Variants in MSI2 observed in about 807,000 individuals in gnomAD.
MSI2 encodes RNA-binding protein Musashi homolog 2.
A neutral mutation model predicts 45.6 loss-of-function variants in MSI2; 17 were observed. The observed-to-expected ratio is 0.37, with a 90% CI of 0.26 to 0.56. The LOEUF (loss-of-function observed/expected upper bound fraction) is 0.56, where lower values mean the gene tolerates loss of function less well. Ranked by LOEUF, MSI2 falls within the 20% of genes least tolerant of loss-of-function variation. The pLI, the probability that MSI2 is intolerant of heterozygous loss-of-function variation, is 0.77. For missense variants in MSI2, 293 were observed against 444.2 expected (o/e 0.66, Z 3.06); for synonymous variants, 156 against 158.2 (o/e 0.99, Z 0.11).
intron 5 of MSI2, chr17:57,268,283 A>T (rs1908001901): frequency 6.6e-6 from 1 of 152,218 alleles, no homozygotes; most frequent in African/African-American, 2.4e-5. Context: ...TAGTGGGGCA[A>T]ATAAGCAGTG....
At chr17:57,342,780 G>A (rs1288481110) in intron 5 of MSI2, among the ~76,000 whole-genome samples, 1 of 152,084 alleles carries the variant, frequency 6.6e-6, no homozygotes, top group East Asian at 1.9e-4. Context: ...CATGAACTTC[G>A]AATGATAGAA....
intron 7 of MSI2, among the ~76,000 whole-genome samples, chr17:57,550,378 C>T (rs2087276377): frequency 2.0e-5 from 3 of 152,102 alleles, no homozygotes; most frequent in African/African-American, 4.8e-5. Context: ...CCTTTGTTAA[C>T]AAAAGTGCTT....
chr17:57,490,215 G>A (rs2332933), intron 6 of MSI2, among the ~76,000 whole-genome samples: 59,302 of 152,058 alleles, frequency 0.39, 12,112 homozygotes, highest in African/African-American at 0.51. Context: ...CTGCCACTCA[G>A]TAGATGCTAG....
intron 7 of MSI2, among the ~76,000 whole-genome samples, chr17:57,563,955 T>A (rs1490284933): frequency 1.3e-5 from 2 of 152,204 alleles, no homozygotes; most frequent in Non-Finnish European, 2.9e-5. Flanking sequence ...ACAGCCCACC[T>A]GAGCCAGAAT....
At chr17:57,699,512 A>C in the MSI2 span, among the ~76,000 whole-genome samples, 1 of 151,510 alleles carries the variant, frequency 6.6e-6, no homozygotes, top group African/African-American at 2.4e-5. Context: ...AGATACTTCC[A>C]CGTGCTAAGC....
In MSI2 at chr17:57,483,559, A is replaced by G. The variant is rs551759455; in HGVS notation, c.406-46117A>G. On this transcript the variant is annotated intron_variant, in intron 6 of 13. Coordinates refer to ENST00000284073, the MANE Select transcript of MSI2 (RefSeq NM_138962.4). ...CAGGTACTGCGGAGGTAGCAACTGC[A>G]GGAAGCCACCACCCTTACCCTACCT... is the stretch of plus-strand genomic sequence containing the variant. 1.4e-4 allele frequency among the ~76,000 whole-genome samples: 22 copies of G among 152,300 alleles called. No homozygotes were observed. The South Asian group carries it at 1.7e-3, about 11-fold the overall frequency.
chr17:57,507,757 T>G (rs963041999), intron 6 of MSI2, among the ~76,000 whole-genome samples: 7 of 152,056 alleles, frequency 4.6e-5, no homozygotes, highest in African/African-American at 1.7e-4. Context: ...GATGACCATA[T>G]GACGTCCACT....
In MSI2 at chr17:57,616,028, G is replaced by A. The variant is rs374064960; in HGVS notation, c.596G>A (p.Arg199Gln). The A allele has an allele frequency of 4.3e-6, 7 of 1,614,168 alleles. No homozygotes were observed. Among genetic ancestry groups the A allele is most frequent in the Non-Finnish European group, 5.9e-6 (7 of 1,180,032 alleles). Reference sequence around the variant, plus strand: ...ATGTTCCCACCTGGGACAAGAGGCCGGGCCCGGGGACTGCCTTACACCATG... The same window carrying A: ...ATGTTCCCACCTGGGACAAGAGGCCAGGCCCGGGGACTGCCTTACACCATG... ...EVMFPPGTRG[R>Q]ARGLPYTMDA... Residue 199 changes from arginine (R) to glutamine (Q), a missense_variant, in exon 9 of 14, where the codon CGG becomes CAG. Arg to Gln is a conservative substitution (Grantham distance 43, BLOSUM62 1). Transcript: ENST00000284073.
At position 57,529,244 on chromosome 17, in the gene MSI2, T is replaced by A. The variant is rs1415034145; in HGVS notation, c.406-432T>A. Among the ~76,000 whole-genome samples, 4 of 152,138 alleles carry A rather than the reference T, an allele frequency of 2.6e-5. No homozygotes were observed. Among genetic ancestry groups the A allele is most frequent in the Non-Finnish European group, 5.9e-5 (4 of 68,044 alleles). On this transcript the variant is annotated intron_variant, in intron 6 of 13. Transcript: ENST00000284073. This position sits in a 1 kb window ranked among gnomAD's most constrained non-coding sequence, Gnocchi z 5.3. ...TGAGCCCAGGAGTTCAAGACCAGTC[T>A]GAGCAACATAGTGGGACCCTGTCTC... is the stretch of plus-strand genomic sequence containing the variant.
chr17:57,664,264 A>T (rs1458498698), intron 11 of MSI2, among the ~76,000 whole-genome samples: 1 of 152,230 alleles, frequency 6.6e-6, no homozygotes, highest in East Asian at 1.9e-4. Flanking sequence ...CACGCCTGTA[A>T]TCCCAGCACT....
chr17:57,426,075 T>C (rs2084486382), intron 6 of MSI2, among the ~76,000 whole-genome samples: 2 of 152,248 alleles, frequency 1.3e-5, no homozygotes. Flanking sequence ...TAAATGGTTT[T>C]GACTGAGTGA....
intron 6 of MSI2, among the ~76,000 whole-genome samples, chr17:57,421,349 G>A (rs1257069664): frequency 6.6e-6 from 1 of 152,202 alleles, no homozygotes; most frequent in African/African-American, 2.4e-5. Flanking sequence ...GTTACAGCTT[G>A]TGTGTGTATG....
the MSI2 span, among the ~76,000 whole-genome samples, chr17:57,697,917 G>A: frequency 6.6e-5 from 10 of 152,030 alleles, no homozygotes; most frequent in South Asian, 6.3e-4. Flanking sequence ...CATATCACTC[G>A]GGCACCTGCA....
rs534422035 is a variant in MSI2, at chr17:57,404,270, T to C, written c.405+2799T>C. 8.1e-4 allele frequency among the ~76,000 whole-genome samples: 124 copies of C among 152,280 alleles called. 1 individual carries two copies. Among genetic ancestry groups the C allele is most frequent in the African/African-American group, 2.9e-3 (122 of 41,562 alleles). On this transcript the variant is annotated intron_variant, in intron 6 of 13. Transcript: ENST00000284073. Reference sequence around the variant, plus strand: ...GGTGTGGACTCCCCCTCCAGGCTTGTCTGATAACAGCATCTGAACTCTGCA... The same window carrying C: ...GGTGTGGACTCCCCCTCCAGGCTTGCCTGATAACAGCATCTGAACTCTGCA...
intron 10 of MSI2, among the ~76,000 whole-genome samples, 195 bp from the exon 11 acceptor site, chr17:57,651,904 C>A (rs1911178144): frequency 1.3e-5 from 2 of 152,240 alleles, no homozygotes; most frequent in Admixed American, 6.5e-5. Flanking sequence ...GAATCAAACG[C>A]ACCTAAAGAT....
intron 6 of MSI2, among the ~76,000 whole-genome samples, chr17:57,433,941 A>C (rs1018105310): frequency 1.3e-5 from 2 of 152,192 alleles, no homozygotes; most frequent in African/African-American, 4.8e-5. Context: ...ATTTTTAAAA[A>C]TGTTATTTTT....
At chr17:57,476,786 T>G (rs373262265) in intron 6 of MSI2, among the ~76,000 whole-genome samples, 1 of 152,282 alleles carries the variant, frequency 6.6e-6, no homozygotes, top group East Asian at 1.9e-4. Context: ...GGTGAGAACA[T>G]TGAGATTCAC....
At chr17:57,549,163 C>T (rs1053020666) in intron 7 of MSI2, among the ~76,000 whole-genome samples, 3 of 152,186 alleles carry the variant, frequency 2.0e-5, no homozygotes, top group Non-Finnish European at 2.9e-5. Flanking sequence ...GCGTGAGCCG[C>T]CGGGCGCCGG....
Position 57,262,182 on chromosome 17 carries a change from C to T in MSI2, c.302C>T (p.Ala101Val), listed in dbSNP as rs772710603. Residue 101 changes from alanine to valine, a missense_variant, in exon 5 of 14, where the codon GCG becomes GTG. Coordinates refer to ENST00000284073, the MANE Select transcript of MSI2 (RefSeq NM_138962.4). Reference sequence around the variant, plus strand: ...CCCAAAGTTGCATTTCCTCGTCGAGCGCAACCCAAGGTAAGTAGGAGAATA... The same window carrying T: ...CCCAAAGTTGCATTTCCTCGTCGAGTGCAACCCAAGGTAAGTAGGAGAATA... ...IDPKVAFPRRAQPKMVTRTKK... is the reference protein window; with the variant it reads ...IDPKVAFPRRVQPKMVTRTKK... The T allele has an allele frequency of 4.6e-5, 75 of 1,613,888 alleles. No homozygotes were observed. The highest frequency in any genetic ancestry group is 6.1e-5 in the Non-Finnish European group (72 of 1,179,958).
Sources: allele counts gnomAD v4.1 joint callset (sites outside exome capture counted in the v4.1 genomes callset), GRCh38; gene constraint gnomAD v4.1.1; non-coding constraint Gnocchi (gnomAD v3.1); transcripts MANE v1.5; gene names NCBI Gene and HGNC (gene_info 2026-07-23, HGNC 2026-07-21).